The following RASSF3 variants were observed in gnomAD, a reference collection of about 807,000 sequenced individuals.
RASSF3 encodes the protein Ras association domain family member 3, also known as ras association domain-containing protein 3.
In RASSF3, 19 loss-of-function variants were observed where a neutral mutation model predicts 19.9. The observed-to-expected ratio is 0.96, with a 90% CI of 0.67 to 1.40. RASSF3 has a LOEUF of 1.40. Among genes scored for constraint, RASSF3 ranks in the 40% most tolerant of loss-of-function variants. RASSF3 has a pLI of 0.00. For synonymous variants in RASSF3, 110 were observed against 104.2 expected (o/e 1.06, Z -0.34); for missense variants, 306 against 289.8 (o/e 1.06, Z -0.41).
intron 1 of RASSF3, among the ~76,000 whole-genome samples, chr12:64,657,083 C>T (rs887098212): frequency 6.6e-6 from 1 of 150,688 alleles, no homozygotes; most frequent in Admixed American, 6.6e-5. Context: ...TATCTTGGCT[C>T]ACTACAGCCT....
chr12:64,598,606 A>T, intron 2 of RASSF3, among the ~76,000 whole-genome samples: 1 of 152,206 alleles, frequency 6.6e-6, no homozygotes, highest in South Asian at 2.1e-4. Flanking sequence ...AGGCCTCCAC[A>T]GAAATTCTGA....
chr12:64,681,459 A>G (rs529144810), intron 1 of RASSF3, among the ~76,000 whole-genome samples: 1 of 152,188 alleles, frequency 6.6e-6, no homozygotes, highest in Non-Finnish European at 1.5e-5. Flanking sequence ...TTGGTGACAG[A>G]CCCAGGACTG....
At chr12:64,672,661 C>T (rs902860788) in intron 1 of RASSF3, among the ~76,000 whole-genome samples, 4 of 152,042 alleles carry the variant, frequency 2.6e-5, no homozygotes, top group East Asian at 1.9e-4. Context: ...GGTGCACAGC[C>T]GCCACTCCTG....
At position 64,690,938 on chromosome 12, in the gene RASSF3, C is replaced by A. The variant is rs186708041; in HGVS notation, c.458-532C>A. ...CGCAATGGCACGATCTCGGCTCACTCCAACCTCCACCTCCCAGGTTTGAGT... is the reference window on the plus strand; with the variant it reads ...CGCAATGGCACGATCTCGGCTCACTACAACCTCCACCTCCCAGGTTTGAGT... On this transcript the variant is annotated intron_variant, in intron 3 of 4. Coordinates refer to ENST00000542104, the MANE Select transcript of RASSF3 (RefSeq NM_178169.4). Among the ~76,000 whole-genome samples, 677 of 152,040 alleles carry A rather than the reference C, an allele frequency of 4.5e-3. 6 individuals carry two copies. The highest frequency in any genetic ancestry group is 0.016 in the African/African-American group (656 of 41,462).
chr12:64,672,761 C>T (rs1455036308), intron 1 of RASSF3, among the ~76,000 whole-genome samples: 2 of 152,204 alleles, frequency 1.3e-5, no homozygotes, highest in Non-Finnish European at 2.9e-5. Flanking sequence ...AAGCGATCCT[C>T]CTCCCTCCGC....
intron 1 of RASSF3, among the ~76,000 whole-genome samples, chr12:64,534,744 A>G (rs1351718252): frequency 6.6e-6 from 1 of 152,096 alleles, no homozygotes; most frequent in East Asian, 1.9e-4. Flanking sequence ...GGACTTGGAG[A>G]GGAATTCTAC....
At chr12:64,639,297 C>G (rs1169627110) in intron 1 of RASSF3, among the ~76,000 whole-genome samples, 2 of 151,854 alleles carry the variant, frequency 1.3e-5, no homozygotes, top group African/African-American at 4.8e-5. Flanking sequence ...AATAATAATA[C>G]TGGCTGCATA....
At chr12:64,556,639 T>G (rs528204428) in intron 2 of RASSF3, among the ~76,000 whole-genome samples, 67 of 152,174 alleles carry the variant, frequency 4.4e-4, no homozygotes, top group African/African-American at 1.4e-3. Context: ...CAGTCAGTTA[T>G]GCTCGCCACA....
chr12:64,662,075 A>G (rs934945988), intron 1 of RASSF3, among the ~76,000 whole-genome samples: 1 of 151,838 alleles, frequency 6.6e-6, no homozygotes, highest in Admixed American at 6.6e-5. Flanking sequence ...GAGAGAGAGA[A>G]AAAAAAATCC....
rs1042241896 is a variant in RASSF3 at position 64,696,273 on chromosome 12, A to C, written c.*1361A>C. 4 of 152,108 alleles carry C rather than the reference A, an allele frequency of 2.6e-5. No individual in the cohort carries two copies. Among genetic ancestry groups the C allele is most frequent in the African/African-American group, 9.7e-5 (4 of 41,390 alleles). The allele number at this position is 152,108 out of a possible 1,614,324, so 9.4% of individuals were successfully genotyped here. On this transcript the variant is annotated 3_prime_UTR_variant, in exon 5 of 5. Transcript: ENST00000542104. Reference sequence around the variant, plus strand: ...CTGTGAGTAGGAGGGCCCCCAAGAAAGGGAGGAAAGTCCACACCCAGCTAA... The same window carrying C: ...CTGTGAGTAGGAGGGCCCCCAAGAACGGGAGGAAAGTCCACACCCAGCTAA...
At chr12:64,544,213 C>G (rs1253938051), downstream of RASSF3, among the ~76,000 whole-genome samples, 1 of 151,700 alleles carries the variant, frequency 6.6e-6, no homozygotes, top group African/African-American at 2.4e-5. Context: ...CAGCTTCACT[C>G]GTGAAGCCAT....
chr12:64,641,410 A>G (rs956099447), intron 1 of RASSF3, among the ~76,000 whole-genome samples: 1 of 133,962 alleles, frequency 7.5e-6, no homozygotes, highest in Non-Finnish European at 1.5e-5. Context: ...GCGCACACAC[A>G]CACACGCGCG....
intron 2 of RASSF3, among the ~76,000 whole-genome samples, chr12:64,687,584 AT>A (rs990164005): frequency 1.3e-5 from 2 of 151,110 alleles, no homozygotes; most frequent in Admixed American, 6.6e-5. Flanking sequence ...AAGCGATTGA[AT>A]TTTTTTTTAA....
At chr12:64,524,045 A>C (rs1592388419) in intron 1 of RASSF3, among the ~76,000 whole-genome samples, 1 of 133,280 alleles carries the variant, frequency 7.5e-6, no homozygotes, top group African/African-American at 2.7e-5. Flanking sequence ...TGCTAGCTGT[A>C]CTTGCTCTTT....
intron 1 of RASSF3, among the ~76,000 whole-genome samples, chr12:64,634,739 C>T (rs959046266): frequency 3.4e-4 from 45 of 132,144 alleles, no homozygotes; most frequent in African/African-American, 1.3e-3. Context: ...CCAGCCTGCA[C>T]GACACAGCGA....
intron 1 of RASSF3, chr12:64,541,502 G>A (rs773835881): frequency 1.5e-5 from 6 of 397,340 alleles, no homozygotes; most frequent in Non-Finnish European, 2.2e-5. Context: ...AGGGGAGGGG[G>A]TTCAATTTCC....
chr12:64,567,494 A>G (rs1355773741), intron 2 of RASSF3, among the ~76,000 whole-genome samples: 1 of 152,010 alleles, frequency 6.6e-6, no homozygotes, highest in Non-Finnish European at 1.5e-5. Flanking sequence ...TGGCCCCTCA[A>G]ACCTCTCCTG....
At chr12:64,571,103 G>A (rs1053092161) in intron 2 of RASSF3, among the ~76,000 whole-genome samples, 1 of 152,062 alleles carries the variant, frequency 6.6e-6, no homozygotes, top group African/African-American at 2.4e-5. Flanking sequence ...CTGTAATCCA[G>A]CTACTTGGGA....
At position 64,534,011 on chromosome 12, in the gene RASSF3, C is replaced by T. The variant is rs180982089; in HGVS notation, c.67+677C>T. ...ATGTGGCTCATGCCTGTAATCCTAG[C>T]ACTTTGGGAGGCCAAGGTAGGAGGA... On this transcript the variant is annotated intron_variant, in intron 1 of 1. Transcript: ENST00000636333. Among the ~76,000 whole-genome samples, 47 of 152,316 alleles carry T rather than the reference C, an allele frequency of 3.1e-4. 2 individuals carry two copies. The highest frequency in any genetic ancestry group is 2.5e-3 in the Admixed American group (38 of 15,286).
Sources: gnomAD v4.1 joint callset for allele counts (sites outside exome capture counted in the v4.1 genomes callset) on GRCh38, gnomAD v4.1.1 for gene constraint, MANE v1.5 for transcripts, NCBI Gene and HGNC (gene_info 2026-07-23, HGNC 2026-07-21) for gene names.